Variants in VEPH1 observed in about 807,000 individuals in gnomAD.
VEPH1 encodes the protein ventricular zone-expressed PH domain-containing protein homolog 1.
VEPH1 carries 80 observed loss-of-function variants against 85.2 expected under a neutral mutation model. That is an observed-to-expected ratio of 0.94 (90% CI 0.78 to 1.13). The LOEUF (loss-of-function observed/expected upper bound fraction) is 1.13. VEPH1 is among the 50% of genes most tolerant of loss of function. The pLI, the probability that VEPH1 is intolerant of heterozygous loss-of-function variation, is 0.00. For missense variants in VEPH1, 955 were observed against 980.5 expected, an observed-to-expected ratio of 0.97 and a Z score of 0.35; for synonymous variants, 297 against 348.0, an observed-to-expected ratio of 0.85 and a Z score of 1.63.
chr3:157,369,193 A>ACAAAAAACAAACAAAC (rs1417067119), intron 7 of VEPH1, among the ~76,000 whole-genome samples: 4 of 140,572 alleles, frequency 2.8e-5, no homozygotes, highest in African/African-American at 7.7e-5. Context: ...AAAAAAAAAA[A>ACAAAAAACAAACAAAC]AAAAAAAAAA....
intron 6 of VEPH1, chr3:157,409,985 G>T: frequency 1.1e-6 from 1 of 933,894 alleles, no homozygotes; most frequent in Non-Finnish European, 1.3e-6. Flanking sequence ...CAGTCAGTAT[G>T]CTCTGATCAG....
At chr3:157,407,089 C>A (rs1167655772) in intron 6 of VEPH1, among the ~76,000 whole-genome samples, 1 of 151,310 alleles carries the variant, frequency 6.6e-6, no homozygotes, top group African/African-American at 2.4e-5. Flanking sequence ...TAATACCTAA[C>A]AAGTGAGCAG....
chr3:157,467,868 A>G (rs543939771), intron 3 of VEPH1, among the ~76,000 whole-genome samples: 3 of 152,294 alleles, frequency 2.0e-5, no homozygotes, highest in African/African-American at 4.8e-5. Context: ...GCTCTCTACA[A>G]TCTTACAAAC....
intron 12 of VEPH1, among the ~76,000 whole-genome samples, chr3:157,269,241 C>A (rs1254543327): frequency 6.6e-6 from 1 of 152,062 alleles, no homozygotes; most frequent in African/African-American, 2.4e-5. Context: ...GAACACTGGG[C>A]AAAATTGTTG....
At position 157,460,020 on chromosome 3, in the gene VEPH1, A is replaced by G. The variant is rs745609935; in HGVS notation, c.529+161T>C. 29 of 1,557,220 alleles carry G rather than the reference A, an allele frequency of 1.9e-5. No homozygotes were observed. The South Asian group carries it at 2.9e-4, about 16-fold the overall frequency. ...GGAAGGGACACAGACAGCCAGATTA[A>G]GTAACCTTTTGCATGTTCACAGGTC... On this transcript the variant is annotated intron_variant, in intron 4 of 13. Transcript: ENST00000362010.
intron 12 of VEPH1, among the ~76,000 whole-genome samples, chr3:157,270,566 G>T (rs1714412927): frequency 6.6e-6 from 1 of 152,082 alleles, no homozygotes; most frequent in South Asian, 2.1e-4. Context: ...TTTTGAAGGG[G>T]TTGGTCTTAT....
intron 2 of VEPH1, among the ~76,000 whole-genome samples, chr3:157,493,693 C>A (rs544392630): frequency 2.6e-5 from 4 of 152,080 alleles, no homozygotes; most frequent in Non-Finnish European, 4.4e-5. Flanking sequence ...TGACAAGGGA[C>A]CTGCCAGCCT....
intron 2 of VEPH1, among the ~76,000 whole-genome samples, chr3:157,481,958 T>G (rs1738142281): frequency 6.6e-6 from 1 of 152,216 alleles, no homozygotes; most frequent in South Asian, 2.1e-4. Flanking sequence ...TAGTTTTGAC[T>G]TTGTCAAAGA....
intron 9 of VEPH1, among the ~76,000 whole-genome samples, chr3:157,325,964 C>A (rs1721857257): frequency 6.6e-6 from 1 of 152,180 alleles, no homozygotes; most frequent in Non-Finnish European, 1.5e-5. Flanking sequence ...CTATCCATGA[C>A]CATGGAATGT....
chr3:157,423,260 G>T (rs956661026), intron 5 of VEPH1, among the ~76,000 whole-genome samples: 7 of 152,202 alleles, frequency 4.6e-5, no homozygotes, highest in Non-Finnish European at 1.0e-4. Flanking sequence ...ACAACATATT[G>T]CTCTATGTGC....
intron 7 of VEPH1, among the ~76,000 whole-genome samples, chr3:157,369,180 G>GAAAAAAAAAACAAAAAAAAAA (rs1727122823): frequency 2.3e-5 from 1 of 42,780 alleles, no homozygotes; most frequent in Non-Finnish European, 4.0e-5. Flanking sequence ...AAAACCAAAT[G>GAAAAAAAAAACAAAAAAAAAA]AAAAAAAAAA....
intron 7 of VEPH1, among the ~76,000 whole-genome samples, chr3:157,379,907 A>G (rs1728570055): frequency 6.6e-6 from 1 of 152,202 alleles, no homozygotes; most frequent in Non-Finnish European, 1.5e-5. Context: ...AGTAAGTGAC[A>G]TCTGCCCTTC....
chr3:157,443,869 C>T (rs1449575848), intron 4 of VEPH1, among the ~76,000 whole-genome samples: 1 of 152,182 alleles, frequency 6.6e-6, no homozygotes, highest in African/African-American at 2.4e-5. Flanking sequence ...GGACTCTTCC[C>T]ATTTGACAAT....
intron 7 of VEPH1, among the ~76,000 whole-genome samples, chr3:157,369,662 G>C (rs1476336754): frequency 6.6e-6 from 1 of 152,110 alleles, no homozygotes; most frequent in African/African-American, 2.4e-5. Context: ...TAAATTGGAA[G>C]GTCAGGAAAT....
chr3:157,491,827 C>T (rs979376344), intron 2 of VEPH1, among the ~76,000 whole-genome samples: 1 of 152,104 alleles, frequency 6.6e-6, no homozygotes, highest in Non-Finnish European at 1.5e-5. Context: ...TTGATTCAAC[C>T]TGAATGCCTT....
In VEPH1 at chr3:157,435,712, C is replaced by T. The variant is rs551313782; in HGVS notation, c.530-7224G>A. Among the ~76,000 whole-genome samples the T allele has an allele frequency of 5.9e-5, 9 of 152,286 alleles. No individual in the cohort carries two copies. The South Asian group carries it at 6.2e-4, about 11-fold the overall frequency. On this transcript the variant is annotated intron_variant, in intron 4 of 13. Coordinates refer to ENST00000362010, the MANE Select transcript of VEPH1 (RefSeq NM_001167912.2). ...TTGCTTTCCTCTCTATCTTTGGCTCCGGGATTTTCCCCTTACTTTAATGGG... is the reference window on the plus strand; with the variant it reads ...TTGCTTTCCTCTCTATCTTTGGCTCTGGGATTTTCCCCTTACTTTAATGGG...
intron 6 of VEPH1, among the ~76,000 whole-genome samples, chr3:157,394,171 C>G (rs766937408): frequency 6.6e-6 from 1 of 152,104 alleles, no homozygotes; most frequent in Non-Finnish European, 1.5e-5. Flanking sequence ...AGGAAAGTGT[C>G]GACTGTTCAA....
At chr3:157,500,682 T>C (rs1740031692) in intron 1 of VEPH1, among the ~76,000 whole-genome samples, 1 of 152,246 alleles carries the variant, frequency 6.6e-6, no homozygotes, top group Non-Finnish European at 1.5e-5. Context: ...CCTTCCCTTT[T>C]AATCCTCTAT....
rs565964721 is a variant in VEPH1, at chr3:157,484,553, G to A, written c.138+10659C>T. Among the ~76,000 whole-genome samples the A allele has an allele frequency of 1.3e-4, 20 of 152,200 alleles. 1 individual carries two copies. The highest frequency in any genetic ancestry group is 1.1e-3 in the Admixed American group (17 of 15,278). The stretch of plus-strand genomic sequence containing the variant: ...AAAGAAAGGTGAAAAAAGAAACAGG[G>A]AAATATTAGGTACTTTAAGCAAGCA... On this transcript the variant is annotated intron_variant, in intron 2 of 13. Coordinates refer to ENST00000362010, the MANE Select transcript of VEPH1 (RefSeq NM_001167912.2).
Sources: allele counts gnomAD v4.1 joint callset (sites outside exome capture counted in the v4.1 genomes callset), GRCh38; gene constraint gnomAD v4.1.1; transcripts MANE v1.5; gene names NCBI Gene and HGNC (gene_info 2026-07-23, HGNC 2026-07-21).